LRRC63: variants seen among roughly 807,000 people sequenced by gnomAD.
The protein encoded by LRRC63 is leucine rich repeat containing 63.
LRRC63 carries 40 observed loss-of-function variants against 49.5 expected under a neutral mutation model. That is an observed-to-expected ratio of 0.81 (90% CI 0.63 to 1.05). The LOEUF is 1.05. Among genes scored for constraint, LRRC63 ranks in the 50% least tolerant of loss-of-function variants. The pLI is 0.00. For missense variants in LRRC63, 636 were observed against 663.1 expected (o/e 0.96, Z 0.45); for synonymous variants, 191 against 221.1 (o/e 0.86, Z 1.21).
At chr13:46,269,036 T>C (rs2047719682) in intron 9 of LRRC63, among the ~76,000 whole-genome samples, 1 of 149,818 alleles carries the variant, frequency 6.7e-6, no homozygotes, top group African/African-American at 2.5e-5. Flanking sequence ...AATGGAAGAG[T>C]TATAGATATT....
intron 5 of LRRC63, among the ~76,000 whole-genome samples, chr13:46,238,503 C>G (rs963201485): frequency 3.9e-5 from 6 of 152,100 alleles, no homozygotes; most frequent in Non-Finnish European, 8.8e-5. Context: ...CTGACAGTTC[C>G]ACATGGCTGG....
chr13:46,262,836 C>G (rs1925996), intron 8 of LRRC63, among the ~76,000 whole-genome samples: 44,642 of 152,056 alleles, frequency 0.29, 6,935 homozygotes, highest in East Asian at 0.39. Flanking sequence ...CTATGTACTT[C>G]TTTACATTAA....
At chr13:46,274,522 A>G (rs1203669976) in intron 9 of LRRC63, among the ~76,000 whole-genome samples, 1 of 152,164 alleles carries the variant, frequency 6.6e-6, no homozygotes, top group African/African-American at 2.4e-5. Context: ...ATTAGCAGCT[A>G]TGTATGTCTT....
At chr13:46,233,603 T>G (rs2046824651) in intron 4 of LRRC63, among the ~76,000 whole-genome samples, 1 of 152,144 alleles carries the variant, frequency 6.6e-6, no homozygotes, top group Admixed American at 6.5e-5. Flanking sequence ...ATAGGACATT[T>G]TTGATGGAAG....
At chr13:46,218,991 C>T (rs1357153170) in intron 2 of LRRC63, among the ~76,000 whole-genome samples, 1 of 152,182 alleles carries the variant, frequency 6.6e-6, no homozygotes, top group African/African-American at 2.4e-5. Flanking sequence ...TGATGGACTT[C>T]CCTTTGAGGG....
rs1176990299 is a variant in LRRC63, at chr13:46,228,318, A to C, written c.763+129A>C. The stretch of plus-strand genomic sequence containing the variant: ...GGGAGGATGGAATCACCTTTTATAT[A>C]TACATGTAATACTTGAGCCATAGGG... On this transcript the variant is annotated intron_variant, in intron 3 of 9. Transcript: ENST00000595396. 19 of 696,628 alleles carry C rather than the reference A, an allele frequency of 2.7e-5. No individual in the cohort carries two copies. The South Asian group carries it at 3.4e-4, about 12-fold the overall frequency. The allele number at this position is 696,628 out of a possible 1,614,324, so 43.2% of individuals were successfully genotyped here.
intron 2 of LRRC63, among the ~76,000 whole-genome samples, chr13:46,217,339 GA>G (rs1480940748): frequency 6.6e-6 from 1 of 152,194 alleles, no homozygotes; most frequent in Admixed American, 6.5e-5. Flanking sequence ...TCATCTTGGG[GA>G]GGGTGTATGT....
chr13:46,255,989 T>C (rs1308538027), intron 7 of LRRC63, among the ~76,000 whole-genome samples: 3 of 152,204 alleles, frequency 2.0e-5, no homozygotes, highest in Non-Finnish European at 4.4e-5. Flanking sequence ...GTGACATCTT[T>C]CACTCAACAT....
chr13:46,224,353 T>C (rs967563707), intron 2 of LRRC63, among the ~76,000 whole-genome samples: 2 of 152,128 alleles, frequency 1.3e-5, no homozygotes, highest in Admixed American at 1.3e-4. Flanking sequence ...TATTGGAGCT[T>C]TCAAATATAT....
At chr13:46,227,378 G>C in intron 2 of LRRC63, 134 bp from the exon 3 acceptor site, 1 of 595,054 alleles carries the variant, frequency 1.7e-6, no homozygotes, top group South Asian at 2.8e-5. Flanking sequence ...CCTGGTAGCT[G>C]AGCAAGTGTA....
At chr13:46,212,369 G>A (rs1338464519) in intron 1 of LRRC63, 110 bp downstream of exon 1, 2 of 152,292 alleles carry the variant, frequency 1.3e-5, no homozygotes, top group African/African-American at 2.4e-5. Flanking sequence ...GCACATTTTG[G>A]GGGTGCATCT....
rs1490351247 is a variant in LRRC63, at chr13:46,276,826, GTGTATATATA to G, written c.*25_*34del. 10 of 165,348 alleles carry G rather than the reference GTGTATATATA, an allele frequency of 6.0e-5. 2 individuals are homozygous for G. The highest frequency in any genetic ancestry group is 4.3e-4 in the East Asian group (3 of 6,950). 10.2% of individuals were successfully genotyped at this position (165,348 alleles called of 1,614,324 possible). On this transcript the variant is annotated 3_prime_UTR_variant, in exon 10 of 10. Transcript: ENST00000595396. ...TAGTACAATGATTTATCGTATGTGTGTGTATATATATATATATATATATATTTATATATAT... is the reference window on the plus strand; with the variant it reads ...TAGTACAATGATTTATCGTATGTGTGTATATATATATATATTTATATATAT...
chr13:46,232,463 A>G (rs1207279237), intron 4 of LRRC63, among the ~76,000 whole-genome samples: 1 of 152,244 alleles, frequency 6.6e-6, no homozygotes, highest in African/African-American at 2.4e-5. Flanking sequence ...AAGCTCTGCC[A>G]AAGTGTTGGG....
chr13:46,223,738 C>T (rs1158911904), intron 2 of LRRC63, among the ~76,000 whole-genome samples: 1 of 152,048 alleles, frequency 6.6e-6, no homozygotes, highest in Non-Finnish European at 1.5e-5. Flanking sequence ...GGCCTGTAAT[C>T]CCAGCTACTT....
chr13:46,237,288 G>A (rs1484269751), intron 5 of LRRC63, among the ~76,000 whole-genome samples: 1 of 152,096 alleles, frequency 6.6e-6, no homozygotes, highest in Non-Finnish European at 1.5e-5. Flanking sequence ...GTATGATACT[G>A]TAATGGTGAA....
At chr13:46,261,198 T>A (rs550592956) in intron 7 of LRRC63, among the ~76,000 whole-genome samples, 134 of 152,330 alleles carry the variant, frequency 8.8e-4, no homozygotes, top group African/African-American at 3.1e-3. Context: ...GGTATTTTAC[T>A]AGAAAAGTCT....
At chr13:46,244,149 AC>A (rs1364734878) in intron 5 of LRRC63, among the ~76,000 whole-genome samples, 3 of 152,336 alleles carry the variant, frequency 2.0e-5, no homozygotes, top group African/African-American at 7.2e-5. Flanking sequence ...TTAAATAAAT[AC>A]ATTAATCATA....
At chr13:46,229,246 T>G (rs1329720108) in intron 4 of LRRC63, among the ~76,000 whole-genome samples, 2 of 152,202 alleles carry the variant, frequency 1.3e-5, no homozygotes, top group African/African-American at 4.8e-5. Context: ...GGCACATTTT[T>G]TAATAACCTG....
chr13:46,271,977 A>G (rs2047766138), intron 9 of LRRC63, among the ~76,000 whole-genome samples: 1 of 152,114 alleles, frequency 6.6e-6, no homozygotes, highest in African/African-American at 2.4e-5. Context: ...CTAATAATAA[A>G]ATGAGATAAT....
Sources: allele counts gnomAD v4.1 joint callset (sites outside exome capture counted in the v4.1 genomes callset), GRCh38; gene constraint gnomAD v4.1.1; transcripts MANE v1.5; gene names NCBI Gene and HGNC (gene_info 2026-07-23, HGNC 2026-07-21).